FHIT: variants seen among roughly 807,000 people sequenced by gnomAD.
FHIT encodes the protein fragile histidine triad diadenosine triphosphatase.
In FHIT, 19 loss-of-function variants were observed where a neutral mutation model predicts 17.9. The observed-to-expected ratio is 1.06, with a 90% CI of 0.74 to 1.56. The LOEUF (loss-of-function observed/expected upper bound fraction) is 1.56, where lower values mean the gene tolerates loss of function less well. Among genes scored for constraint, FHIT ranks in the 40% most tolerant of loss-of-function variants. The pLI, the probability that FHIT is intolerant of heterozygous loss-of-function variation, is 0.00. For missense variants in FHIT, 248 were observed against 189.2 expected (o/e 1.31, Z -1.82); for synonymous variants, 81 against 69.7 (o/e 1.16, Z -0.81).
intron 4 of FHIT, among the ~76,000 whole-genome samples, chr3:60,643,140 G>C (rs1250270591): frequency 1.3e-5 from 2 of 152,164 alleles, no homozygotes; most frequent in African/African-American, 4.8e-5. Context: ...ATTGTCGAAT[G>C]AATGAGTCTT....
chr3:61,051,240 C>T (rs1198679187), intron 2 of FHIT, among the ~76,000 whole-genome samples: 1 of 149,796 alleles, frequency 6.7e-6, no homozygotes, highest in Non-Finnish European at 1.5e-5. Flanking sequence ...TCCATAAGTA[C>T]CACTATCTCT....
At chr3:60,690,840 G>A (rs2040970474) in intron 4 of FHIT, 1 of 320,858 alleles carries the variant, frequency 3.1e-6, no homozygotes, top group African/African-American at 2.2e-5. Context: ...GTATGTTTAA[G>A]AATCTCCTAG....
intron 5 of FHIT, among the ~76,000 whole-genome samples, chr3:60,147,179 A>T (rs923807942): frequency 2.0e-5 from 3 of 152,224 alleles, no homozygotes; most frequent in African/African-American, 7.2e-5. Context: ...GAATCCAACC[A>T]GGAGGAAAAA....
chr3:61,096,939 C>T (rs769186838), intron 2 of FHIT, among the ~76,000 whole-genome samples: 2 of 151,950 alleles, frequency 1.3e-5, no homozygotes, highest in Admixed American at 1.3e-4. Flanking sequence ...GGTGAAACCC[C>T]GTCTCTACTA....
chr3:60,301,171 A>AT (rs1324677031), intron 5 of FHIT, among the ~76,000 whole-genome samples: 8 of 152,162 alleles, frequency 5.3e-5, no homozygotes, highest in Admixed American at 5.2e-4. Context: ...TGATTTTAAA[A>AT]CACTTTAATA....
chr3:60,287,245 T>C (rs1365300708), intron 5 of FHIT, among the ~76,000 whole-genome samples: 2 of 152,190 alleles, frequency 1.3e-5, no homozygotes, highest in Non-Finnish European at 2.9e-5. Context: ...CTTGCCTCAC[T>C]GCAGCCTCTG....
chr3:60,838,345 G>A (rs1553744260), intron 3 of FHIT, among the ~76,000 whole-genome samples: 1 of 152,004 alleles, frequency 6.6e-6, no homozygotes, highest in African/African-American at 2.4e-5. Context: ...GGTGGTGGGC[G>A]CCTGTAGTCC....
intron 5 of FHIT, among the ~76,000 whole-genome samples, chr3:60,024,285 T>C (rs954555100): frequency 4.6e-5 from 7 of 152,202 alleles, no homozygotes; most frequent in African/African-American, 7.2e-5. Context: ...TAATTTGGCA[T>C]TCTCACAGAA....
At chr3:60,530,957 T>G (rs183823945) in intron 5 of FHIT, among the ~76,000 whole-genome samples, 3 of 152,140 alleles carry the variant, frequency 2.0e-5, no homozygotes, top group African/African-American at 4.8e-5. Flanking sequence ...CCCACAGAAG[T>G]AGGAAAAAGA....
intron 8 of FHIT, among the ~76,000 whole-genome samples, chr3:59,771,646 A>G (rs1702078922): frequency 6.6e-6 from 1 of 152,252 alleles, no homozygotes; most frequent in Non-Finnish European, 1.5e-5. Context: ...CTGACATGGA[A>G]GAACAGCAGG....
At chr3:60,537,269 C>T (rs1026197760) in intron 4 of FHIT, among the ~76,000 whole-genome samples, 3 of 152,144 alleles carry the variant, frequency 2.0e-5, no homozygotes, top group Non-Finnish European at 4.4e-5. Flanking sequence ...CTTCACGGTG[C>T]CACCTTAACT....
intron 4 of FHIT, among the ~76,000 whole-genome samples, chr3:60,712,279 C>A (rs1188445133): frequency 6.6e-6 from 1 of 152,140 alleles, no homozygotes; most frequent in Non-Finnish European, 1.5e-5. Context: ...GAAGGAAGCA[C>A]TGAACATGGA....
At chr3:60,489,083 T>C (rs1185792507) in intron 5 of FHIT, among the ~76,000 whole-genome samples, 1 of 152,172 alleles carries the variant, frequency 6.6e-6, no homozygotes. Flanking sequence ...AAAGTAGACA[T>C]TTTGTCACAA....
At chr3:60,079,007 CA>C (rs1324171016) in intron 5 of FHIT, among the ~76,000 whole-genome samples, 1 of 151,950 alleles carries the variant, frequency 6.6e-6, no homozygotes, top group Non-Finnish European at 1.5e-5. Context: ...TGTTCTTGAA[CA>C]AGTGACTTGT....
intron 7 of FHIT, among the ~76,000 whole-genome samples, chr3:60,003,365 A>G (rs180734020): frequency 5.0e-4 from 76 of 152,288 alleles, no homozygotes; most frequent in African/African-American, 1.8e-3. Context: ...CTACTAGTCA[A>G]AAGTTTGTAG....
At chr3:60,701,831 G>GCTGTTATCATCTTTTTT (rs1220302246) in intron 4 of FHIT, among the ~76,000 whole-genome samples, 1 of 152,162 alleles carries the variant, frequency 6.6e-6, no homozygotes, top group East Asian at 1.9e-4. Context: ...TTGGGAAAGG[G>GCTGTTATCATCTTTTTT]CTGTTATCAT....
At chr3:60,351,716 T>C (rs1349461737) in intron 5 of FHIT, among the ~76,000 whole-genome samples, 1 of 152,196 alleles carries the variant, frequency 6.6e-6, no homozygotes, top group Non-Finnish European at 1.5e-5. Context: ...TGGGGCCTTG[T>C]GAAAATCTAG....
chr3:60,797,111 C>T (rs1256058226), intron 4 of FHIT, among the ~76,000 whole-genome samples: 2 of 152,174 alleles, frequency 1.3e-5, no homozygotes, highest in African/African-American at 4.8e-5. Flanking sequence ...TTTCTAATCA[C>T]CATAAGTGAA....
At chr3:60,259,175 G>C (rs1193591705) in intron 5 of FHIT, among the ~76,000 whole-genome samples, 1 of 152,070 alleles carries the variant, frequency 6.6e-6, no homozygotes, top group African/African-American at 2.4e-5. Context: ...CAGCAGGCCA[G>C]GAATTGCTGA....
Sources: allele counts gnomAD v4.1 joint callset (sites outside exome capture counted in the v4.1 genomes callset), GRCh38; gene constraint gnomAD v4.1.1; transcripts MANE v1.5; gene names NCBI Gene and HGNC (gene_info 2026-07-23, HGNC 2026-07-21).